TANC2: variants seen among roughly 807,000 people sequenced by gnomAD.
The protein encoded by TANC2 is protein TANC2.
A neutral mutation model predicts 210.5 loss-of-function variants in TANC2; 26 were observed. The observed-to-expected ratio is 0.12, with a 90% confidence interval of 0.09 to 0.17. The LOEUF is 0.17. TANC2 is among the 10% of genes least tolerant of loss of function. The pLI is 1.00. For missense variants in TANC2, 2,129 were observed against 2,608.9 expected, an observed-to-expected ratio of 0.82 and a Z score of 4.01; for synonymous variants, 931 against 967.1, an observed-to-expected ratio of 0.96 and a Z score of 0.69.
chr17:63,283,823 G>C (rs1246415472), intron 9 of TANC2, among the ~76,000 whole-genome samples: 3 of 151,786 alleles, frequency 2.0e-5, no homozygotes, highest in Non-Finnish European at 2.9e-5. Flanking sequence ...TTTTTACCAT[G>C]TTGCTCTTGT....
At chr17:63,161,149 A>T (rs2145481741) in intron 5 of TANC2, among the ~76,000 whole-genome samples, 1 of 152,272 alleles carries the variant, frequency 6.6e-6, no homozygotes, top group South Asian at 2.1e-4. Context: ...AACCATTGTG[A>T]AATAAAATGT....
intron 12 of TANC2, among the ~76,000 whole-genome samples, chr17:63,341,060 G>A (rs754380700): frequency 3.9e-5 from 6 of 152,172 alleles, no homozygotes; most frequent in Non-Finnish European, 7.3e-5. Context: ...AGTGCCAGAA[G>A]CCAAAGAAAA....
chr17:63,197,171 G>A (rs936787741), intron 6 of TANC2, among the ~76,000 whole-genome samples: 12 of 152,072 alleles, frequency 7.9e-5, no homozygotes, highest in Non-Finnish European at 1.6e-4. Context: ...CATAGCTTTC[G>A]TACTTTCATT....
rs772865188 is a variant in TANC2 at position 63,362,292 on chromosome 17, G to A, written c.2582+6902G>A. On this transcript the variant is annotated intron_variant, in intron 14 of 27. Coordinates refer to ENST00000689528, the Ensembl canonical transcript of TANC2. The stretch of plus-strand genomic sequence containing the variant: ...GGTTTTTATGGGCTTCAGAAGGGAG[G>A]ACATGCATGCTAATTGGTTCATGGG... 3.2e-4 allele frequency among the ~76,000 whole-genome samples: 48 copies of A among 152,208 alleles called. 1 individual carries two copies. The highest frequency in any genetic ancestry group is 5.2e-4 in the Admixed American group (8 of 15,282).
intron 9 of TANC2, among the ~76,000 whole-genome samples, chr17:63,269,279 T>C (rs2043623703): frequency 6.6e-6 from 1 of 152,152 alleles, no homozygotes; most frequent in South Asian, 2.1e-4. Context: ...CAGTTTGTCA[T>C]ATACCAGTTG....
At chr17:63,253,719 C>T (rs1359864677) in intron 8 of TANC2, among the ~76,000 whole-genome samples, 1 of 152,128 alleles carries the variant, frequency 6.6e-6, no homozygotes, top group African/African-American at 2.4e-5. Flanking sequence ...ACCTCAACTT[C>T]AAGTGATTCT....
intron 5 of TANC2, among the ~76,000 whole-genome samples, chr17:63,184,296 GTTT>G (rs768358544): frequency 6.6e-6 from 1 of 151,774 alleles, no homozygotes; most frequent in Non-Finnish European, 1.5e-5. Context: ...AGTGTTATTT[GTTT>G]TTTTCATAAT....
At chr17:63,410,925 A>G (rs1401520414) in intron 21 of TANC2, among the ~76,000 whole-genome samples, 4 of 151,366 alleles carry the variant, frequency 2.6e-5, no homozygotes, top group Admixed American at 1.3e-4. Flanking sequence ...AATTTATTAC[A>G]TGCAAATAGT....
At chr17:63,120,435 T>A (rs1047863325) in intron 4 of TANC2, among the ~76,000 whole-genome samples, 2 of 152,256 alleles carry the variant, frequency 1.3e-5, no homozygotes, top group African/African-American at 4.8e-5. Context: ...ATGAAAAAAA[T>A]AAGACTTAAT....
intron 7 of TANC2, among the ~76,000 whole-genome samples, chr17:63,205,247 T>C (rs983475545): frequency 6.1e-5 from 9 of 148,642 alleles, no homozygotes; most frequent in African/African-American, 2.2e-4. Context: ...ATGAAGTTGG[T>C]CATTTACCAT....
chr17:63,117,934 CT>C lies in TANC2; in HGVS notation c.322+18581del, dbSNP rs202192623. ...TTTATTTAATTTTTAATTGTGTGTT[CT>C]TTTGCTTTATATATTTATATGCATA... On this transcript the variant is annotated intron_variant, in intron 4 of 27. Transcript: ENST00000689528. Among the ~76,000 whole-genome samples, 918 of 152,118 alleles carry C rather than the reference CT, an allele frequency of 6.0e-3. 10 individuals are homozygous for C. The highest frequency in any genetic ancestry group is 0.02 in the African/African-American group (844 of 41,520).
chr17:63,163,318 G>C (rs144460507), intron 5 of TANC2, among the ~76,000 whole-genome samples: 2 of 152,276 alleles, frequency 1.3e-5, no homozygotes, highest in African/African-American at 4.8e-5. Flanking sequence ...GAGGATTGGG[G>C]AATGAGATCA....
At chr17:62,993,778 A>T (rs2032980618) in intron 1 of TANC2, among the ~76,000 whole-genome samples, 1 of 152,142 alleles carries the variant, frequency 6.6e-6, no homozygotes, top group African/African-American at 2.4e-5. Context: ...GAAAAATAAA[A>T]AAAAATTAGA....
chr17:63,074,163 T>A (rs1315022578), intron 3 of TANC2, 149 bp downstream of exon 3: 4 of 530,472 alleles, frequency 7.5e-6, no homozygotes, highest in Admixed American at 7.6e-5. Flanking sequence ...GATGTAAAAA[T>A]CTATATATTA....
intron 3 of TANC2, among the ~76,000 whole-genome samples, chr17:63,098,431 TACAC>T (rs67245738): frequency 0.2 from 18,884 of 92,620 alleles, 1,676 homozygotes; most frequent in East Asian, 0.4. Context: ...GGCCTTAGAC[TACAC>T]ACACACACAC....
chr17:63,161,135 T>C (rs2040011300), intron 5 of TANC2, among the ~76,000 whole-genome samples: 1 of 152,146 alleles, frequency 6.6e-6, no homozygotes, highest in Non-Finnish European at 1.5e-5. Context: ...AAAGTTTTCT[T>C]CATAACCATT....
chr17:63,081,724 G>A (rs547654179), intron 3 of TANC2, among the ~76,000 whole-genome samples: 3 of 152,156 alleles, frequency 2.0e-5, no homozygotes, highest in Non-Finnish European at 4.4e-5. Context: ...CTTGGAATAC[G>A]TAGCCCCAAG....
At chr17:63,005,896 T>TTGTGTGTGTGTGTG (rs56763847) in intron 1 of TANC2, among the ~76,000 whole-genome samples, 1 of 132,844 alleles carries the variant, frequency 7.5e-6, no homozygotes, top group Middle Eastern at 3.9e-3. Context: ...GCTGTATAGT[T>TTGTGTGTGTGTGTG]TGTGTGTGTG....
rs540924332 is a variant in TANC2, at chr17:63,266,360, A to AT, written c.1034-1381dup. On this transcript the variant is annotated intron_variant, in intron 8 of 27. Transcript: ENST00000689528. ...AGTATTGTTACGGCACAGTGCTGAC[A>AT]TTTTTTTACTAACAATTTTGTTATA... Among the ~76,000 whole-genome samples, 466 of 152,174 alleles carry AT rather than the reference A, an allele frequency of 3.1e-3. 3 individuals carry two copies. The highest frequency in any genetic ancestry group is 0.01 in the African/African-American group (419 of 41,514).
Sources: gnomAD v4.1 joint callset for allele counts (sites outside exome capture counted in the v4.1 genomes callset) on GRCh38, gnomAD v4.1.1 for gene constraint, MANE v1.5 for transcripts, NCBI Gene and HGNC (gene_info 2026-07-23, HGNC 2026-07-21) for gene names.